Variants in AKAP6 observed in about 807,000 individuals in gnomAD.
AKAP6 encodes A-kinase anchor protein 6.
AKAP6 carries 58 observed loss-of-function variants against 188.5 expected under a neutral mutation model. The ratio of observed to expected loss-of-function variants is 0.31; its 90% CI spans 0.25 to 0.38. The LOEUF (loss-of-function observed/expected upper bound fraction) is 0.38. Ranked by LOEUF, AKAP6 falls within the 10% of genes least tolerant of loss-of-function variation. The pLI is 1.00. For missense variants in AKAP6, 2,710 were observed against 2,740.0 expected (o/e 0.99, Z 0.24); for synonymous variants, 989 against 998.6 (o/e 0.99, Z 0.18).
chr14:32,514,477 A>G (rs1451695529), intron 2 of AKAP6, among the ~76,000 whole-genome samples: 1 of 152,206 alleles, frequency 6.6e-6, no homozygotes, highest in African/African-American at 2.4e-5. Flanking sequence ...AAGGTCATAC[A>G]ATGAGTCAGC....
chr14:32,398,395 C>T (rs1415856135), intron 1 of AKAP6, among the ~76,000 whole-genome samples: 1 of 152,216 alleles, frequency 6.6e-6, no homozygotes, highest in Non-Finnish European at 1.5e-5. Flanking sequence ...CTTTACCACT[C>T]TTTGCATTTC....
chr14:32,434,336 C>T (rs750519113), intron 2 of AKAP6, among the ~76,000 whole-genome samples: 1 of 152,098 alleles, frequency 6.6e-6, no homozygotes, highest in Non-Finnish European at 1.5e-5. Context: ...GATTTTATGA[C>T]AACTCATCTA....
chr14:32,562,052 T>G (rs1883981032), intron 4 of AKAP6, among the ~76,000 whole-genome samples: 1 of 152,180 alleles, frequency 6.6e-6, no homozygotes, highest in South Asian at 2.1e-4. Flanking sequence ...TTAAGCAACT[T>G]TATCCAGGAA....
intron 1 of AKAP6, among the ~76,000 whole-genome samples, chr14:32,360,040 G>T (rs1433890850): frequency 6.6e-6 from 1 of 152,166 alleles, no homozygotes; most frequent in Non-Finnish European, 1.5e-5. Flanking sequence ...GTCTATCAAA[G>T]AATCTGTGGA....
intron 12 of AKAP6, among the ~76,000 whole-genome samples, chr14:32,801,540 T>A (rs2033948811): frequency 6.6e-6 from 1 of 152,224 alleles, no homozygotes; most frequent in East Asian, 1.9e-4. Context: ...TTCTTTTAGA[T>A]CAATTAAAAA....
At chr14:32,723,245 C>T (rs933738462) in intron 9 of AKAP6, among the ~76,000 whole-genome samples, 1 of 152,182 alleles carries the variant, frequency 6.6e-6, no homozygotes, top group African/African-American at 2.4e-5. Flanking sequence ...CAAGTGAAGC[C>T]TTGTTACCTC....
chr14:32,404,082 T>C (rs879579842), intron 1 of AKAP6, among the ~76,000 whole-genome samples: 1 of 152,214 alleles, frequency 6.6e-6, no homozygotes, highest in Non-Finnish European at 1.5e-5. Context: ...TCAGTGAATG[T>C]ACTTTTTTAT....
chr14:32,836,156 T>A lies in AKAP6; in HGVS notation c.*6351T>A, dbSNP rs2034873188. 6.6e-6 allele frequency: 1 copy of A among 152,212 alleles called. No individual in the cohort carries two copies. The highest frequency in any genetic ancestry group is 2.4e-5 in the African/African-American group (1 of 41,448). 9.4% of individuals were successfully genotyped at this position (152,212 alleles called of 1,614,324 possible). Reference sequence around the variant, plus strand: ...ACAGGAGTTGGAATGTGTTCATACGTGTAAGACTGTCTTAGTCTGCCCAGA... The same window carrying A: ...ACAGGAGTTGGAATGTGTTCATACGAGTAAGACTGTCTTAGTCTGCCCAGA... On this transcript the variant is annotated 3_prime_UTR_variant, in exon 14 of 14. Coordinates refer to ENST00000280979, the MANE Select transcript of AKAP6 (RefSeq NM_004274.5).
intron 4 of AKAP6, among the ~76,000 whole-genome samples, chr14:32,550,841 C>G (rs1182062729): frequency 1.3e-5 from 2 of 152,192 alleles, no homozygotes; most frequent in African/African-American, 4.8e-5. Flanking sequence ...TCTCCTGTTC[C>G]ATTCTGGTTC....
At chr14:32,482,405 A>G (rs927889712) in intron 2 of AKAP6, among the ~76,000 whole-genome samples, 2 of 152,124 alleles carry the variant, frequency 1.3e-5, no homozygotes, top group Non-Finnish European at 2.9e-5. Context: ...TTCCTGGGAT[A>G]TACTTCCCCC....
intron 5 of AKAP6, among the ~76,000 whole-genome samples, chr14:32,586,366 G>A (rs753144690): frequency 6.6e-6 from 1 of 152,160 alleles, no homozygotes. Flanking sequence ...GGTGGCTAAT[G>A]CCTGTAATCC....
At position 32,364,183 on chromosome 14, in the gene AKAP6, G is replaced by A. The variant is rs114117307; in HGVS notation, c.-35+34775G>A. On this transcript the variant is annotated intron_variant, in intron 1 of 13. Coordinates refer to ENST00000280979, the MANE Select transcript of AKAP6 (RefSeq NM_004274.5). Reference sequence around the variant, plus strand: ...TTTTGTAAAAGCTGAGCAGGAAAACGAAGGAAGAAAGGAGAAAGAAGGCAG... The same window carrying A: ...TTTTGTAAAAGCTGAGCAGGAAAACAAAGGAAGAAAGGAGAAAGAAGGCAG... Among the ~76,000 whole-genome samples the A allele has an allele frequency of 4.9e-3, 744 of 152,258 alleles. 5 individuals are homozygous for A. Among genetic ancestry groups the A allele is most frequent in the African/African-American group, 0.014 (589 of 41,552 alleles).
chr14:32,821,635 C>T lies in AKAP6; in HGVS notation c.3822C>T (p.Ala1274=). ...EADNHGGSQY[A]SNITAPSSPH... The stretch of plus-strand genomic sequence containing the variant: ...ATAACCATGGGGGATCTCAGTATGC[C>T]TCAAATATTACTGCCCCCTCTAGTC... Residue 1274 remains alanine, a synonymous_variant, in exon 13 of 14, where the codon GCC becomes GCT. Transcript: ENST00000280979. 6.2e-7 allele frequency: 1 copy of T among 1,613,626 alleles called. No homozygotes were observed. Among genetic ancestry groups the T allele is most frequent in the Non-Finnish European group, 8.5e-7 (1 of 1,179,884 alleles).
intron 11 of AKAP6, among the ~76,000 whole-genome samples, chr14:32,762,930 G>T (rs947207066): frequency 6.6e-6 from 1 of 152,022 alleles, no homozygotes; most frequent in African/African-American, 2.4e-5. Context: ...TCACTTATTT[G>T]TGGACTGGGT....
intron 13 of AKAP6, among the ~76,000 whole-genome samples, chr14:32,827,995 G>A (rs567842116): frequency 5.3e-5 from 8 of 152,176 alleles, no homozygotes; most frequent in Admixed American, 6.5e-5. Flanking sequence ...GTTTTGGGGG[G>A]TGGGTTGAGG....
Position 32,545,277 on chromosome 14 carries a change from C to T in AKAP6, c.624C>T (p.Thr208=). The T allele has an allele frequency of 6.2e-7, 1 of 1,614,110 alleles. No individual in the cohort carries two copies. The highest frequency in any genetic ancestry group is 8.5e-7 in the Non-Finnish European group (1 of 1,179,994). The part of the protein sequence containing the change: ...LTEVDDSGQL[T]IKCSQNYLSL... ...AAGTGGATGACTCAGGACAATTAAC[C>T]ATCAAATGTTCTCAAAATTACTTGT... Residue 208 remains threonine (T), a synonymous_variant, in exon 4 of 14, where the codon ACC becomes ACT. Transcript: ENST00000280979.
chr14:32,822,739 C>A lies in AKAP6; in HGVS notation c.4926C>A (p.Ile1642=). The stretch of plus-strand genomic sequence containing the variant: ...ATCTCCTGAATCGTTTGGAGAATAT[C>A]CAGAGCCCCTCAGAGCAAAAGATAA... ...TLDLLNRLEN[I]QSPSEQKIKR... is the part of the protein sequence containing the mutation. The change falls in exon 13 of 14, where the codon ATC becomes ATA. Residue 1642 remains isoleucine, a synonymous_variant. Transcript: ENST00000280979. The A allele has an allele frequency of 6.2e-7, 1 of 1,613,878 alleles. No homozygotes were observed. Among genetic ancestry groups the A allele is most frequent in the Non-Finnish European group, 8.5e-7 (1 of 1,179,910 alleles).
intron 1 of AKAP6, among the ~76,000 whole-genome samples, chr14:32,409,194 C>T (rs572088376): frequency 1.3e-4 from 20 of 152,082 alleles, no homozygotes; most frequent in Admixed American, 7.9e-4. Flanking sequence ...AGCAAGACTC[C>T]GTCTCAAAAA....
intron 1 of AKAP6, among the ~76,000 whole-genome samples, chr14:32,349,836 G>A (rs1458375965): frequency 6.6e-6 from 1 of 152,276 alleles, no homozygotes; most frequent in Non-Finnish European, 1.5e-5. Flanking sequence ...TTAGATGTGT[G>A]TTAGTGAGTA....
Sources: allele counts gnomAD v4.1 joint callset (sites outside exome capture counted in the v4.1 genomes callset), GRCh38; gene constraint gnomAD v4.1.1; transcripts MANE v1.5; gene names NCBI Gene and HGNC (gene_info 2026-07-23, HGNC 2026-07-21).